POU6F2: variants seen among roughly 807,000 people sequenced by gnomAD.
POU6F2 encodes the protein POU domain, class 6, transcription factor 2.
Under a neutral mutation model 71.3 loss-of-function variants are expected in POU6F2, and 31 were observed. That is an observed-to-expected ratio of 0.43 (90% CI 0.33 to 0.59). The LOEUF (loss-of-function observed/expected upper bound fraction) is 0.59. Among genes scored for constraint, POU6F2 ranks in the 20% least tolerant of loss-of-function variants. POU6F2 has a pLI of 0.04. For synonymous variants in POU6F2, 347 were observed against 355.7 expected, an observed-to-expected ratio of 0.98 and a Z score of 0.27; for missense variants, 783 against 856.8, an observed-to-expected ratio of 0.91 and a Z score of 1.07.
chr7:39,289,297 A>G (rs558353709), intron 4 of POU6F2, among the ~76,000 whole-genome samples: 62 of 152,372 alleles, frequency 4.1e-4, no homozygotes, highest in Non-Finnish European at 6.5e-4. Flanking sequence ...GGGCTGGTCC[A>G]GCCTTGCTAT....
chr7:39,016,050 T>G lies in POU6F2; in HGVS notation c.105+37992T>G, dbSNP rs755928640. ...ATATATAGATATATATTATATATTATATATATTATATATAATATATAGATA... is the reference window on the plus strand; with the variant it reads ...ATATATAGATATATATTATATATTAGATATATTATATATAATATATAGATA... On this transcript the variant is annotated intron_variant, in intron 1 of 9. Coordinates refer to ENST00000518318, the MANE Select transcript of POU6F2 (RefSeq NM_001370959.1). Among the ~76,000 whole-genome samples the G allele has an allele frequency of 4.6e-5, 3 of 65,416 alleles. 1 individual carries two copies. The highest frequency in any genetic ancestry group is 9.5e-5 in the Non-Finnish European group (3 of 31,696). The allele number at this position is 65,416 out of a possible 152,430, so 42.9% of individuals were successfully genotyped here.
At chr7:39,357,254 A>G (rs1786279996) in intron 5 of POU6F2, among the ~76,000 whole-genome samples, 1 of 152,218 alleles carries the variant, frequency 6.6e-6, no homozygotes, top group South Asian at 2.1e-4. Flanking sequence ...GCAAACACAC[A>G]TGGAATCTCC....
intron 7 of POU6F2, among the ~76,000 whole-genome samples, chr7:39,435,309 T>C (rs1162636114): frequency 6.6e-6 from 1 of 152,206 alleles, no homozygotes; most frequent in Non-Finnish European, 1.5e-5. Flanking sequence ...TTTCCTGACT[T>C]TTTAATAATC....
chr7:39,185,227 G>A (rs1238369561), intron 2 of POU6F2, among the ~76,000 whole-genome samples: 1 of 151,862 alleles, frequency 6.6e-6, no homozygotes, highest in African/African-American at 2.4e-5. Flanking sequence ...GGAGGGGGGT[G>A]AAGGACAATA....
chr7:39,443,633 G>A (rs554351566), intron 7 of POU6F2, among the ~76,000 whole-genome samples: 176 of 152,336 alleles, frequency 1.2e-3, no homozygotes, highest in African/African-American at 4.1e-3. Context: ...AAATTGACAG[G>A]AGATGCACAA....
At chr7:39,016,324 T>C (rs1291302006) in intron 1 of POU6F2, among the ~76,000 whole-genome samples, 1 of 150,762 alleles carries the variant, frequency 6.6e-6, no homozygotes, top group African/African-American at 2.4e-5. Context: ...AGGGTTCTAG[T>C]AATTTGGGAT....
chr7:39,266,114 A>G (rs1215171230), intron 4 of POU6F2, among the ~76,000 whole-genome samples: 3 of 152,198 alleles, frequency 2.0e-5, no homozygotes, highest in African/African-American at 4.8e-5. Flanking sequence ...ACACTGATTC[A>G]CCAGGCCTTT....
chr7:39,259,247 A>G (rs1259452775), intron 4 of POU6F2, among the ~76,000 whole-genome samples: 3 of 152,182 alleles, frequency 2.0e-5, no homozygotes, highest in Admixed American at 1.3e-4. Context: ...GTTGTTCTCT[A>G]TCGAGAAAAA....
intron 5 of POU6F2, among the ~76,000 whole-genome samples, chr7:39,344,565 CG>C (rs1372048744): frequency 6.6e-6 from 1 of 152,118 alleles, no homozygotes; most frequent in Non-Finnish European, 1.5e-5. Flanking sequence ...GCTAGACCTA[CG>C]GGACTTTCAA....
intron 1 of POU6F2, among the ~76,000 whole-genome samples, chr7:39,046,899 G>C (rs1790302031): frequency 6.6e-6 from 1 of 151,862 alleles, no homozygotes; most frequent in Non-Finnish European, 1.5e-5. Flanking sequence ...AAAGATCTAA[G>C]TTCTTTTTTT....
chr7:39,462,602 T>TG (rs1788976101), intron 9 of POU6F2, among the ~76,000 whole-genome samples: 1 of 152,186 alleles, frequency 6.6e-6, no homozygotes, highest in African/African-American at 2.4e-5. Context: ...ATTTAAGCTT[T>TG]GGGGATTTTA....
chr7:39,397,384 T>C (rs1191527911), intron 5 of POU6F2, among the ~76,000 whole-genome samples: 1 of 147,542 alleles, frequency 6.8e-6, no homozygotes, highest in African/African-American at 2.5e-5. Flanking sequence ...GAGACAAATA[T>C]ATATAGACAA....
intron 1 of POU6F2, among the ~76,000 whole-genome samples, chr7:39,037,883 G>A (rs577554330): frequency 5.3e-5 from 8 of 152,036 alleles, no homozygotes; most frequent in South Asian, 2.1e-4. Context: ...AACATCCCCC[G>A]ACCATTTACC....
At chr7:39,067,245 G>A (rs1302306279) in intron 1 of POU6F2, among the ~76,000 whole-genome samples, 1 of 149,560 alleles carries the variant, frequency 6.7e-6, no homozygotes, top group Admixed American at 6.6e-5. Flanking sequence ...GATTATTTGG[G>A]AAGACGTGAG....
chr7:39,132,878 T>TC (rs1376519486), intron 2 of POU6F2, among the ~76,000 whole-genome samples: 1 of 152,164 alleles, frequency 6.6e-6, no homozygotes, highest in Non-Finnish European at 1.5e-5. Context: ...CTGCCTTTTT[T>TC]CCCCCTCATT....
intron 4 of POU6F2, among the ~76,000 whole-genome samples, chr7:39,223,801 A>C (rs1794413360): frequency 6.6e-6 from 1 of 152,156 alleles, no homozygotes; most frequent in Admixed American, 6.5e-5. Context: ...TTGAAGTATA[A>C]TGTTTACTTT....
At chr7:39,164,973 C>T (rs1463056623) in intron 2 of POU6F2, among the ~76,000 whole-genome samples, 1 of 152,072 alleles carries the variant, frequency 6.6e-6, no homozygotes, top group Non-Finnish European at 1.5e-5. Context: ...CATGGTGCCA[C>T]CCATTATTTT....
At chr7:39,295,971 T>TC (rs903891307) in intron 4 of POU6F2, among the ~76,000 whole-genome samples, 36 of 152,348 alleles carry the variant, frequency 2.4e-4, no homozygotes, top group African/African-American at 7.0e-4. Context: ...AATGAGGAGC[T>TC]AGTGCTGTTA....
intron 1 of POU6F2, among the ~76,000 whole-genome samples, chr7:39,053,503 TC>T (rs1562687207): frequency 6.6e-6 from 1 of 151,958 alleles, no homozygotes; most frequent in South Asian, 2.1e-4. Context: ...CCAACTTTTT[TC>T]CCCCCAGAAG....
Sources: allele counts gnomAD v4.1 joint callset (sites outside exome capture counted in the v4.1 genomes callset), GRCh38; gene constraint gnomAD v4.1.1; transcripts MANE v1.5; gene names NCBI Gene and HGNC (gene_info 2026-07-23, HGNC 2026-07-21).